Variants in C19orf47 observed in about 807,000 individuals in gnomAD.
C19orf47 encodes chromosome 19 open reading frame 47, also known as uncharacterized protein C19orf47.
C19orf47 carries 18 observed loss-of-function variants against 32.3 expected under a neutral mutation model. The ratio of observed to expected loss-of-function variants is 0.56; its 90% confidence interval spans 0.39 to 0.83. C19orf47 has a LOEUF of 0.83. C19orf47 is among the 40% of genes least tolerant of loss of function. The probability of loss-of-function intolerance (pLI) is 0.00; values close to 1 mark genes in which losing one functional copy is unlikely to be tolerated. For synonymous variants in C19orf47, 202 were observed against 211.1 expected, an observed-to-expected ratio of 0.96 and a Z score of 0.37; for missense variants, 484 against 531.6, an observed-to-expected ratio of 0.91 and a Z score of 0.88.
the C19orf47 span, among the ~76,000 whole-genome samples, chr19:40,310,424 G>A: frequency 6.6e-6 from 1 of 152,132 alleles, no homozygotes; most frequent in Non-Finnish European, 1.5e-5. Flanking sequence ...GATCACAGGC[G>A]TGTGCCACCA....
chr19:40,324,908 C>T (rs747199817), intron 7 of C19orf47, among the ~76,000 whole-genome samples: 13 of 150,956 alleles, frequency 8.6e-5, no homozygotes, highest in Admixed American at 2.0e-4. Context: ...TGCAGTGAGC[C>T]GTGTTCGTAC....
intron 5 of C19orf47, among the ~76,000 whole-genome samples, chr19:40,329,132 T>C (rs7248012): frequency 0.11 from 16,466 of 152,000 alleles, 1,032 homozygotes; most frequent in African/African-American, 0.16. Flanking sequence ...TAAACTCTAT[T>C]TGTTTACTGG....
the C19orf47 span, among the ~76,000 whole-genome samples, chr19:40,300,143 G>T: frequency 6.6e-6 from 1 of 152,058 alleles, no homozygotes; most frequent in Admixed American, 6.6e-5. Context: ...AGGGTAGGAG[G>T]TGATGAGGGT....
chr19:40,322,499 AC>A, intron 8 of C19orf47, 123 bp from the exon 9 acceptor site: 1 of 1,216,806 alleles, frequency 8.2e-7, no homozygotes, highest in Non-Finnish European at 1.1e-6. Context: ...CATCACTGAC[AC>A]CCCAGATAGT....
At chr19:40,315,481 A>T (rs1324090873), downstream of C19orf47, among the ~76,000 whole-genome samples, 1 of 152,150 alleles carries the variant, frequency 6.6e-6, no homozygotes, top group East Asian at 1.9e-4. Context: ...CCTCGTCTCT[A>T]CAAGAAAAAA....
At chr19:40,340,231 T>C (rs1447119155) in intron 2 of C19orf47, among the ~76,000 whole-genome samples, 2 of 152,026 alleles carry the variant, frequency 1.3e-5, no homozygotes, top group Non-Finnish European at 2.9e-5. Context: ...GACACACCTA[T>C]GTAATCAGCA....
chr19:40,313,905 T>C, the C19orf47 span, among the ~76,000 whole-genome samples: 1 of 150,510 alleles, frequency 6.6e-6, no homozygotes, highest in Non-Finnish European at 1.5e-5. Context: ...CACTCTGGCC[T>C]GGGCAACAGA....
At chr19:40,311,952 C>T in the C19orf47 span, among the ~76,000 whole-genome samples, 2 of 152,236 alleles carry the variant, frequency 1.3e-5, no homozygotes, top group East Asian at 1.9e-4. Flanking sequence ...CCACCATGCC[C>T]GGCCCAATTT....
At chr19:40,302,380 G>A in the C19orf47 span, among the ~76,000 whole-genome samples, 1 of 152,042 alleles carries the variant, frequency 6.6e-6, no homozygotes, top group Admixed American at 6.6e-5. Flanking sequence ...TCCTTCTGAG[G>A]TCAGCCTCCT....
At position 40,323,178 on chromosome 19, in the gene C19orf47, T is replaced by A. The variant is rs536965748; in HGVS notation, c.664-802A>T. On this transcript the variant is annotated intron_variant, in intron 8 of 8. Coordinates refer to ENST00000683109, the MANE Select transcript of C19orf47 (RefSeq NM_001256441.2). Reference sequence around the variant, plus strand: ...CTCCTCATGGTAAGATTCTTGGAAGTGAGCAAGCCCGAGTTGCTGCACCCT... The same window carrying A: ...CTCCTCATGGTAAGATTCTTGGAAGAGAGCAAGCCCGAGTTGCTGCACCCT... Among the ~76,000 whole-genome samples, 6 of 152,328 alleles carry A rather than the reference T, an allele frequency of 3.9e-5. No individual in the cohort carries two copies. In the East Asian group the frequency reaches 1.2e-3, roughly 29 times the overall value.
At chr19:40,341,733 C>T (rs527397978) in intron 2 of C19orf47, 106 bp downstream of exon 2, 3 of 1,482,448 alleles carry the variant, frequency 2.0e-6, no homozygotes, top group Admixed American at 2.0e-5. Context: ...GCTGTTCCTG[C>T]CAGTGACCCA....
At chr19:40,347,224 A>T (rs1343825250) in intron 1 of C19orf47, among the ~76,000 whole-genome samples, 1 of 152,076 alleles carries the variant, frequency 6.6e-6, no homozygotes, top group Admixed American at 6.6e-5. Context: ...CAGCAATGCT[A>T]GTTTTCCATT....
At chr19:40,301,201 G>A in the C19orf47 span, among the ~76,000 whole-genome samples, 3 of 151,666 alleles carry the variant, frequency 2.0e-5, no homozygotes. Flanking sequence ...GGAAGAATAA[G>A]AATTACATGG....
chr19:40,348,439 C>A, upstream of C19orf47: 2 of 1,499,650 alleles, frequency 1.3e-6, no homozygotes, highest in East Asian at 2.8e-5. Flanking sequence ...CCTCTCACCG[C>A]CGGAAGCTGA....
chr19:40,307,246 C>G, the C19orf47 span, among the ~76,000 whole-genome samples: 1 of 151,808 alleles, frequency 6.6e-6, no homozygotes, highest in Non-Finnish European at 1.5e-5. Context: ...CAGGCGCATG[C>G]CACCATGCCC....
At chr19:40,308,665 T>C in the C19orf47 span, among the ~76,000 whole-genome samples, 1 of 150,548 alleles carries the variant, frequency 6.6e-6, no homozygotes, top group Non-Finnish European at 1.5e-5. Flanking sequence ...GTTTTCGCCA[T>C]GTTGGCCAGG....
At chr19:40,328,881 C>T (rs1024989860) in intron 5 of C19orf47, among the ~76,000 whole-genome samples, 1 of 152,138 alleles carries the variant, frequency 6.6e-6, no homozygotes, top group African/African-American at 2.4e-5. Context: ...CCATGCTGGT[C>T]TCCAGGATCT....
intron 7 of C19orf47, chr19:40,324,509 GA>G (rs2077788499): frequency 1.2e-5 from 2 of 163,882 alleles, no homozygotes; most frequent in East Asian, 1.7e-4. Flanking sequence ...AACAACCATT[GA>G]AAAAAGAATG....
At chr19:40,312,856 A>C in the C19orf47 span, among the ~76,000 whole-genome samples, 1 of 152,238 alleles carries the variant, frequency 6.6e-6, no homozygotes, top group African/African-American at 2.4e-5. Flanking sequence ...ATGATTGTTA[A>C]TTTAAGCCAC....
Sources: gnomAD v4.1 joint callset for allele counts (sites outside exome capture counted in the v4.1 genomes callset) on GRCh38, gnomAD v4.1.1 for gene constraint, MANE v1.5 for transcripts, NCBI Gene and HGNC (gene_info 2026-07-23, HGNC 2026-07-21) for gene names.